USP15: variants seen among roughly 807,000 people sequenced by gnomAD.
USP15 encodes ubiquitin carboxyl-terminal hydrolase 15.
A neutral mutation model predicts 127.1 loss-of-function variants in USP15; 18 were observed. The observed-to-expected ratio is 0.14, with a 90% CI of 0.10 to 0.21. The LOEUF is 0.21. USP15 is among the 10% of genes least tolerant of loss of function. The probability of loss-of-function intolerance (pLI) is 1.00; values close to 1 mark genes in which losing one functional copy is unlikely to be tolerated. For synonymous variants in USP15, 364 were observed against 393.7 expected (o/e 0.92, Z 0.89); for missense variants, 805 against 1,159.9 (o/e 0.69, Z 4.44).
chr12:62,402,055 T>C (rs1256899663), intron 21 of USP15, among the ~76,000 whole-genome samples: 1 of 151,800 alleles, frequency 6.6e-6, no homozygotes, highest in Non-Finnish European at 1.5e-5. Context: ...TAATTTTTTT[T>C]CTGCAAAAGA....
At chr12:62,261,627 G>A (rs1047405584) in intron 1 of USP15, among the ~76,000 whole-genome samples, 25 of 152,104 alleles carry the variant, frequency 1.6e-4, no homozygotes, top group African/African-American at 6.0e-4. Flanking sequence ...CTGTAAAATG[G>A]ACAGTAATTT....
intron 2 of USP15, 136 bp downstream of exon 2, chr12:62,294,442 C>T (rs1011413089): frequency 3.4e-6 from 3 of 893,400 alleles, no homozygotes; most frequent in African/African-American, 1.8e-5. Flanking sequence ...CTAATGAACT[C>T]ATTATTCTAA....
intron 1 of USP15, among the ~76,000 whole-genome samples, chr12:62,284,092 A>G (rs1193411499): frequency 6.6e-6 from 1 of 152,250 alleles, no homozygotes; most frequent in Non-Finnish European, 1.5e-5. Flanking sequence ...GGAAAAACAT[A>G]TAAAATTTAT....
Position 62,389,455 on chromosome 12 carries a change from G to A in USP15, c.1498G>A (p.Gly500Arg). The A allele has an allele frequency of 6.2e-7, 1 of 1,611,656 alleles. No individual in the cohort carries two copies. The highest frequency in any genetic ancestry group is 1.3e-5 in the African/African-American group (1 of 74,860). The change falls in exon 12 of 22, where the codon GGA becomes AGA. Residue 500 changes from glycine (G) to arginine (R), a missense_variant. Around this residue, in one of 11 missense-constraint regions of USP15, gnomAD observed 82 missense variants for 104.4 expected, o/e 0.79. Transcript: ENST00000280377. The part of the protein sequence containing the change: ...MQYKVVVPKI[G>R]NILDLCTALS... ...GTACAAAGTGGTTGTCCCCAAAATTGGAAACATATTAGATCTTTGTACAGC... is the reference window on the plus strand; with the variant it reads ...GTACAAAGTGGTTGTCCCCAAAATTAGAAACATATTAGATCTTTGTACAGC...
At chr12:62,269,036 A>C (rs1055107483) in intron 1 of USP15, among the ~76,000 whole-genome samples, 4 of 152,142 alleles carry the variant, frequency 2.6e-5, no homozygotes, top group African/African-American at 9.7e-5. Flanking sequence ...TCTTTTACTT[A>C]GCATACATGT....
chr12:62,325,577 A>T (rs2065102710), intron 5 of USP15, among the ~76,000 whole-genome samples: 1 of 152,098 alleles, frequency 6.6e-6, no homozygotes, highest in Non-Finnish European at 1.5e-5. Context: ...AGGAATTTAT[A>T]TTCTGTTTAC....
At chr12:62,370,618 TGTC>T (rs2066632045) in intron 8 of USP15, among the ~76,000 whole-genome samples, 1 of 152,188 alleles carries the variant, frequency 6.6e-6, no homozygotes, top group South Asian at 2.1e-4. Context: ...TCATTACTGT[TGTC>T]ATGATACCAC....
At position 62,302,874 on chromosome 12, in the gene USP15, T is replaced by G; in HGVS notation, c.302T>G (p.Val101Gly). ...LLPTEGWNKL[V>G]SWYTLMEGQE... ...CCAACTGAAGGTTGGAATAAACTTG[T>G]CAGCTGGTACACATTGATGGAAGGT... Residue 101 changes from valine (V) to glycine (G), a missense_variant, in exon 3 of 22, where the codon GTC (valine) becomes GGC (glycine). Transcript: ENST00000280377. 1 of 1,613,154 alleles carries G rather than the reference T, an allele frequency of 6.2e-7. No homozygotes were observed. The highest frequency in any genetic ancestry group is 8.5e-7 in the Non-Finnish European group (1 of 1,179,336).
intron 1 of USP15, among the ~76,000 whole-genome samples, chr12:62,262,205 T>G (rs1002999994): frequency 3.9e-5 from 6 of 152,082 alleles, no homozygotes; most frequent in Non-Finnish European, 8.8e-5. Flanking sequence ...GCCACTGCAC[T>G]CTAGCCTGGG....
At chr12:62,314,688 A>T in intron 3 of USP15, 102 bp from the exon 4 acceptor site, 1 of 1,126,876 alleles carries the variant, frequency 8.9e-7, no homozygotes, top group Non-Finnish European at 1.2e-6. Flanking sequence ...CTGGTTTTTC[A>T]CTGGAGATCT....
intron 11 of USP15, among the ~76,000 whole-genome samples, chr12:62,388,986 A>G (rs553796203): frequency 6.6e-6 from 1 of 152,284 alleles, no homozygotes; most frequent in East Asian, 1.9e-4. Context: ...TTAGCCAGTC[A>G]TGGTGTCACA....
intron 6 of USP15, chr12:62,336,658 T>A: frequency 3.1e-6 from 1 of 317,886 alleles, no homozygotes; most frequent in Non-Finnish European, 4.6e-6. Flanking sequence ...TGAAAATAAC[T>A]ATATTCCAAA....
chr12:62,401,286 C>G lies in USP15; in HGVS notation c.2763+11C>G. 6.3e-7 allele frequency: 1 copy of G among 1,597,378 alleles called. No individual in the cohort carries two copies. The highest frequency in any genetic ancestry group is 1.1e-5 in the South Asian group (1 of 90,468). On this transcript the variant is annotated intron_variant, in intron 21 of 21. Transcript: ENST00000280377. The stretch of plus-strand genomic sequence containing the variant: ...GAAGACCAAATTGTGGTAAGTTTGT[C>G]TTATATTTCCTGAGAACTATGGGAT...
rs2063560480 is a variant in USP15, at chr12:62,278,627, C to T, written c.90-15552C>T. 7 of 152,230 alleles carry T rather than the reference C, an allele frequency of 4.6e-5. No individual in the cohort carries two copies. The South Asian group carries it at 1.2e-3, about 27-fold the overall frequency. 9.4% of individuals were successfully genotyped at this position (152,230 alleles called of 1,614,324 possible). ...TGTAGTTTGTCATTGGCAAGAAAGT[C>T]ATTATGCAGTGCATGACTGTATACA... On this transcript the variant is annotated intron_variant, in intron 1 of 21. Transcript: ENST00000280377.
chr12:62,356,264 T>C (rs1245050331), intron 8 of USP15, among the ~76,000 whole-genome samples: 1 of 151,936 alleles, frequency 6.6e-6, no homozygotes, highest in African/African-American at 2.4e-5. Context: ...TTTTCTGTTC[T>C]CTATTCTTAT....
intron 19 of USP15, among the ~76,000 whole-genome samples, chr12:62,395,296 T>C (rs1157983690): frequency 6.6e-6 from 1 of 152,190 alleles, no homozygotes; most frequent in East Asian, 1.9e-4. Flanking sequence ...CCTGGTATAC[T>C]GAGAGTTAAA....
At chr12:62,290,342 A>G (rs533041788) in intron 1 of USP15, among the ~76,000 whole-genome samples, 3 of 152,178 alleles carry the variant, frequency 2.0e-5, no homozygotes, top group East Asian at 3.9e-4. Flanking sequence ...ATGTCTTTCT[A>G]TTGAATTGAT....
rs569450050 is a variant in USP15, at chr12:62,290,505, A to T, written c.90-3674A>T. Among the ~76,000 whole-genome samples, 16 of 152,260 alleles carry T rather than the reference A, an allele frequency of 1.1e-4. No homozygotes were observed. The East Asian group carries it at 3.1e-3, about 29-fold the overall frequency. On this transcript the variant is annotated intron_variant, in intron 1 of 21. Transcript: ENST00000280377. ...TCTTCAGTCTGTAAGTTTCTTTACC[A>T]CTAAGGTGAGTTTATTGTAAGCAGC...
rs137886909 is a variant in USP15, at chr12:62,330,358, G to T, written c.683+4425G>T. 9.2e-3 allele frequency among the ~76,000 whole-genome samples: 1,377 copies of T among 149,950 alleles called. 18 individuals carry two copies. The highest frequency in any genetic ancestry group is 0.015 in the Non-Finnish European group (982 of 67,566). The stretch of plus-strand genomic sequence containing the variant: ...AATCCTAGCACTTTGGGAGGCCGAG[G>T]CAGGCAGATCATTTGAGGTCAGGAT... On this transcript the variant is annotated intron_variant, in intron 6 of 21. Transcript: ENST00000280377.
Sources: gnomAD v4.1 joint callset for allele counts (sites outside exome capture counted in the v4.1 genomes callset) on GRCh38, gnomAD v4.1.1 for gene constraint, gnomAD v4.1.1 regional missense constraint, MANE v1.5 for transcripts, NCBI Gene and HGNC (gene_info 2026-07-23, HGNC 2026-07-21) for gene names.